Variants in SLC38A9 observed in about 807,000 individuals in gnomAD.
The protein encoded by SLC38A9 is neutral amino acid transporter 9.
Under a neutral mutation model 62.3 loss-of-function variants are expected in SLC38A9, and 48 were observed. That is an observed-to-expected ratio of 0.77 (90% CI 0.61 to 0.98). The LOEUF (loss-of-function observed/expected upper bound fraction) is 0.98, where lower values mean the gene tolerates loss of function less well. Ranked by LOEUF, SLC38A9 falls within the 50% of genes least tolerant of loss-of-function variation. SLC38A9 has a pLI of 0.00. For missense variants in SLC38A9, 541 were observed against 679.8 expected (o/e 0.80, Z 2.27); for synonymous variants, 204 against 227.7 (o/e 0.90, Z 0.94).
At chr5:55,644,209 C>A (rs190456444) in intron 12 of SLC38A9, among the ~76,000 whole-genome samples, 133 of 152,204 alleles carry the variant, frequency 8.7e-4, no homozygotes, top group African/African-American at 3.0e-3. Context: ...TATCCACCTG[C>A]CTCAGCCTCT....
chr5:55,635,301 A>G (rs1327552781), intron 13 of SLC38A9: 1 of 537,218 alleles, frequency 1.9e-6, no homozygotes, highest in Non-Finnish European at 3.3e-6. Flanking sequence ...GGCATGTAGT[A>G]CATTATCTCA....
Position 55,691,317 on chromosome 5 carries a change from A to G in SLC38A9, c.113+6529T>C, listed in dbSNP as rs1258908692. Reference sequence around the variant, plus strand: ...CCTGGAGGGAATAGGACAGATAAGTACTGGTGAATAAGGGGCAGAAGAAAA... The same window carrying G: ...CCTGGAGGGAATAGGACAGATAAGTGCTGGTGAATAAGGGGCAGAAGAAAA... On this transcript the variant is annotated intron_variant, in intron 3 of 15. Coordinates refer to ENST00000396865, the MANE Select transcript of SLC38A9 (RefSeq NM_173514.4). 1.2e-5 allele frequency: 18 copies of G among 1,480,412 alleles called. No individual in the cohort carries two copies. In the Admixed American group the frequency reaches 4.1e-4, roughly 34 times the overall value. 91.7% of individuals were successfully genotyped at this position (1,480,412 alleles called of 1,614,324 possible).
chr5:55,658,838 G>A (rs76467644), intron 8 of SLC38A9, among the ~76,000 whole-genome samples: 2,604 of 152,214 alleles, frequency 0.017, 83 homozygotes, highest in African/African-American at 0.06. Flanking sequence ...ACAAATATTA[G>A]CTCCTACCCC....
chr5:55,711,934 C>G (rs1246473238), intron 1 of SLC38A9, among the ~76,000 whole-genome samples: 2 of 152,198 alleles, frequency 1.3e-5, no homozygotes, highest in Non-Finnish European at 1.5e-5. Context: ...CCAGCTGACA[C>G]CGACTCCCAT....
chr5:55,706,727 G>A (rs566414028), intron 2 of SLC38A9, among the ~76,000 whole-genome samples: 9 of 152,218 alleles, frequency 5.9e-5, no homozygotes, highest in Middle Eastern at 3.4e-3. Flanking sequence ...AAGAAAACTG[G>A]TAATTTGCAG....
chr5:55,704,913 A>C (rs1195335592), intron 2 of SLC38A9, among the ~76,000 whole-genome samples: 7 of 152,204 alleles, frequency 4.6e-5, no homozygotes, highest in Non-Finnish European at 1.5e-5. Flanking sequence ...TAAAAATACT[A>C]GTCTTACAGG....
At chr5:55,702,569 C>T (rs1204217752) in intron 2 of SLC38A9, among the ~76,000 whole-genome samples, 1 of 151,938 alleles carries the variant, frequency 6.6e-6, no homozygotes, top group Non-Finnish European at 1.5e-5. Flanking sequence ...TCATTTAGTA[C>T]TTTGTAATGG....
intron 12 of SLC38A9, among the ~76,000 whole-genome samples, chr5:55,638,427 A>G (rs1009422718): frequency 2.0e-5 from 3 of 152,242 alleles, no homozygotes; most frequent in Admixed American, 6.5e-5. Context: ...ATAAGCTGGT[A>G]ATTATGTCAA....
chr5:55,671,536 A>T (rs1751328698), intron 4 of SLC38A9, among the ~76,000 whole-genome samples: 2 of 147,356 alleles, frequency 1.4e-5, no homozygotes, highest in South Asian at 2.1e-4. Flanking sequence ...ATGGGGTCAC[A>T]TGGCCGGGCA....
chr5:55,687,737 C>T (rs1399078779), intron 3 of SLC38A9, among the ~76,000 whole-genome samples: 4 of 152,032 alleles, frequency 2.6e-5, no homozygotes, highest in East Asian at 1.9e-4. Context: ...GTCTCACTGT[C>T]GCCCAGGCTG....
At chr5:55,631,772 A>AT (rs753110954) in intron 14 of SLC38A9, among the ~76,000 whole-genome samples, 3 of 152,274 alleles carry the variant, frequency 2.0e-5, no homozygotes, top group Admixed American at 1.3e-4. Context: ...TGTAAATGCA[A>AT]TTTTTTTCAA....
intron 10 of SLC38A9, among the ~76,000 whole-genome samples, chr5:55,651,245 CATCTTTTT>C (rs1747393783): frequency 1.8e-5 from 1 of 56,168 alleles, no homozygotes; most frequent in African/African-American, 5.1e-5. Flanking sequence ...TTCCTTTTGC[CATCTTTTT>C]TTTTTTTTTT....
At chr5:55,682,729 C>T (rs115051930) in intron 3 of SLC38A9, among the ~76,000 whole-genome samples, 1,952 of 152,208 alleles carry the variant, frequency 0.013, 17 homozygotes, top group Non-Finnish European at 0.022. Flanking sequence ...GTGCTATGAT[C>T]GTGCCACTGC....
intron 8 of SLC38A9, 67 bp from the exon 9 acceptor site, chr5:55,656,841 G>A (rs772559999): frequency 3.4e-5 from 25 of 744,694 alleles, no homozygotes; most frequent in Admixed American, 2.6e-4. Flanking sequence ...ACCCTTTAAG[G>A]TCTTTTATTT....
chr5:55,664,810 C>T lies in SLC38A9; in HGVS notation c.580G>A (p.Gly194Ser), dbSNP rs770250061. ...AGACTCGACCACTGCCCAAAGGAGCCGAAATAATGTCTGCAGACATCTGGA... is the reference window on the plus strand; with the variant it reads ...AGACTCGACCACTGCCCAAAGGAGCTGAAATAATGTCTGCAGACATCTGGA... Reference protein sequence around the residue: ...EYPDVCRHYFGSFGQWSSLLF... With the variant: ...EYPDVCRHYFSSFGQWSSLLF... Residue 194 changes from glycine (G) to serine (S), a missense_variant, in exon 8 of 16, where the codon GGC (glycine) becomes AGC (serine). Coordinates refer to ENST00000396865, the MANE Select transcript of SLC38A9 (RefSeq NM_173514.4). 13 of 1,587,764 alleles carry T rather than the reference C, an allele frequency of 8.2e-6. No individual in the cohort carries two copies. Among genetic ancestry groups the T allele is most frequent in the South Asian group, 1.2e-5 (1 of 86,100 alleles).
intron 3 of SLC38A9, among the ~76,000 whole-genome samples, chr5:55,690,121 G>A (rs1168824827): frequency 6.6e-6 from 1 of 152,142 alleles, no homozygotes; most frequent in African/African-American, 2.4e-5. Flanking sequence ...TAAGATCCCA[G>A]TCTAACAAAG....
intron 11 of SLC38A9, among the ~76,000 whole-genome samples, chr5:55,647,649 C>T (rs1561329652): frequency 6.6e-6 from 1 of 152,158 alleles, no homozygotes; most frequent in African/African-American, 2.4e-5. Flanking sequence ...GTTAGCTAAT[C>T]CTTTTCTATC....
At chr5:55,698,885 T>A (rs527676645) in intron 2 of SLC38A9, among the ~76,000 whole-genome samples, 166 of 152,168 alleles carry the variant, frequency 1.1e-3, no homozygotes, top group Non-Finnish European at 2.2e-3. Context: ...TACAGTGAGC[T>A]ATGATTGCGC....
At chr5:55,687,322 G>A (rs1348120154) in intron 3 of SLC38A9, among the ~76,000 whole-genome samples, 1 of 149,854 alleles carries the variant, frequency 6.7e-6, no homozygotes, top group Admixed American at 6.6e-5. Flanking sequence ...AGCTACTCGG[G>A]AGGCTGAGGC....
Sources: gnomAD v4.1 joint callset for allele counts (sites outside exome capture counted in the v4.1 genomes callset) on GRCh38, gnomAD v4.1.1 for gene constraint, MANE v1.5 for transcripts, NCBI Gene and HGNC (gene_info 2026-07-23, HGNC 2026-07-21) for gene names.